Variants in B3GALT1 observed in about 807,000 individuals in gnomAD.
B3GALT1 encodes beta-1,3-galactosyltransferase 1, also known as UDP-Gal:betaGlcNAc beta 1,3-galactosyltransferase, polypeptide 1.
A neutral mutation model predicts 23.2 loss-of-function variants in B3GALT1; 10 were observed. The observed-to-expected ratio is 0.43, with a 90% CI of 0.27 to 0.73. The LOEUF is 0.73. B3GALT1 is among the 30% of genes least tolerant of loss of function. B3GALT1 has a pLI of 0.21. For missense variants in B3GALT1, 299 were observed against 405.4 expected (o/e 0.74, Z 2.25); for synonymous variants, 156 against 141.5 (o/e 1.10, Z -0.73).
At chr2:167,570,432 G>A (rs577935512) in intron 2 of B3GALT1, among the ~76,000 whole-genome samples, 3 of 151,922 alleles carry the variant, frequency 2.0e-5, no homozygotes, top group Admixed American at 2.0e-4. Context: ...AAATTTGTGA[G>A]CGTACAGTTG....
chr2:167,642,896 A>G (rs545191939), intron 2 of B3GALT1, among the ~76,000 whole-genome samples: 32 of 152,248 alleles, frequency 2.1e-4, no homozygotes, highest in African/African-American at 7.2e-4. Flanking sequence ...TTATAAGTGA[A>G]TGAATCCTAT....
chr2:167,382,181 C>T (rs1454164611), intron 1 of B3GALT1, among the ~76,000 whole-genome samples: 3 of 152,102 alleles, frequency 2.0e-5, no homozygotes, highest in African/African-American at 7.2e-5. Context: ...GTGATTCCAC[C>T]ATCAAATAAT....
At chr2:167,514,735 T>A (rs1481481055) in intron 2 of B3GALT1, among the ~76,000 whole-genome samples, 2 of 152,222 alleles carry the variant, frequency 1.3e-5, no homozygotes, top group Non-Finnish European at 2.9e-5. Flanking sequence ...TAATCCTGGC[T>A]TCTAACTGGA....
chr2:167,697,375 G>C (rs748559703), intron 3 of B3GALT1, among the ~76,000 whole-genome samples: 4 of 152,180 alleles, frequency 2.6e-5, no homozygotes, highest in African/African-American at 4.8e-5. Context: ...CACCTGGGCT[G>C]TGATGGTTGT....
intron 2 of B3GALT1, among the ~76,000 whole-genome samples, chr2:167,510,539 A>G (rs1478655935): frequency 1.3e-5 from 2 of 151,692 alleles, no homozygotes; most frequent in Non-Finnish European, 2.9e-5. Context: ...TGTGATTGGC[A>G]TGTTTACAGA....
At chr2:167,819,220 C>A (rs1004629081) in intron 4 of B3GALT1, among the ~76,000 whole-genome samples, 1 of 152,148 alleles carries the variant, frequency 6.6e-6, no homozygotes, top group African/African-American at 2.4e-5. Flanking sequence ...AAGACAATTC[C>A]TATTTAAAAC....
intron 1 of B3GALT1, among the ~76,000 whole-genome samples, chr2:167,377,222 T>A (rs1697779436): frequency 6.6e-6 from 1 of 152,152 alleles, no homozygotes; most frequent in South Asian, 2.1e-4. Flanking sequence ...TTTGATTTTT[T>A]TGAATTTATT....
chr2:167,678,407 T>C (rs985096537), intron 3 of B3GALT1, among the ~76,000 whole-genome samples: 1 of 152,210 alleles, frequency 6.6e-6, no homozygotes, highest in Non-Finnish European at 1.5e-5. Context: ...GGTTATTCAA[T>C]GACTAGGAAG....
chr2:167,462,860 C>G (rs1699281629), intron 1 of B3GALT1, among the ~76,000 whole-genome samples: 1 of 152,026 alleles, frequency 6.6e-6, no homozygotes, highest in Non-Finnish European at 1.5e-5. Flanking sequence ...ATTTCTGTTT[C>G]CTGTAAAGGA....
intron 3 of B3GALT1, among the ~76,000 whole-genome samples, chr2:167,673,705 A>G (rs552847761): frequency 1.1e-3 from 170 of 152,184 alleles, no homozygotes; most frequent in African/African-American, 3.9e-3. Context: ...GTATTAATAT[A>G]CCAAATTATC....
At chr2:167,637,361 T>A (rs1172192574) in intron 2 of B3GALT1, among the ~76,000 whole-genome samples, 1 of 151,960 alleles carries the variant, frequency 6.6e-6, no homozygotes, top group East Asian at 1.9e-4. Flanking sequence ...TGCCTCTACC[T>A]GTTTTTTTTG....
chr2:167,603,519 T>C (rs1243368457), intron 2 of B3GALT1, among the ~76,000 whole-genome samples: 1 of 152,226 alleles, frequency 6.6e-6, no homozygotes, highest in East Asian at 1.9e-4. Flanking sequence ...AAGCTGAACA[T>C]TACTATAGAA....
At chr2:167,396,135 G>A (rs1184195780) in intron 1 of B3GALT1, among the ~76,000 whole-genome samples, 3 of 152,068 alleles carry the variant, frequency 2.0e-5, no homozygotes, top group African/African-American at 7.2e-5. Flanking sequence ...AAGAAGACTT[G>A]GCTTTACTGG....
intron 3 of B3GALT1, among the ~76,000 whole-genome samples, chr2:167,779,507 T>A (rs972327722): frequency 1.1e-4 from 17 of 152,246 alleles, no homozygotes; most frequent in African/African-American, 4.1e-4. Context: ...TTCCTGTTTT[T>A]CTGATGCGGT....
intron 3 of B3GALT1, among the ~76,000 whole-genome samples, chr2:167,740,572 G>A (rs952676324): frequency 6.6e-6 from 1 of 152,126 alleles, no homozygotes; most frequent in Admixed American, 6.5e-5. Flanking sequence ...CTTGGCAAAT[G>A]CATTATAGGA....
intron 1 of B3GALT1, among the ~76,000 whole-genome samples, chr2:167,308,767 C>A (rs1011580309): frequency 2.6e-5 from 4 of 151,896 alleles, no homozygotes; most frequent in Non-Finnish European, 5.9e-5. Context: ...TAAATCAGAT[C>A]GGATATGAGA....
chr2:167,422,054 G>GGAGGAA (rs917551775), intron 1 of B3GALT1, among the ~76,000 whole-genome samples: 1 of 151,096 alleles, frequency 6.6e-6, no homozygotes, highest in African/African-American at 2.4e-5. Flanking sequence ...GGGTAGAGGA[G>GGAGGAA]GAGGAAGAGG....
intron 1 of B3GALT1, among the ~76,000 whole-genome samples, chr2:167,375,585 T>A (rs1365141929): frequency 6.6e-6 from 1 of 152,174 alleles, no homozygotes; most frequent in East Asian, 1.9e-4. Flanking sequence ...CTAGGTATTT[T>A]TTTTGTGTGT....
At chr2:167,853,049 T>C (rs1189753912) in intron 4 of B3GALT1, among the ~76,000 whole-genome samples, 1 of 152,154 alleles carries the variant, frequency 6.6e-6, no homozygotes, top group Non-Finnish European at 1.5e-5. Flanking sequence ...ATTGATTGAG[T>C]TATTTTCCCA....
Sources: gnomAD v4.1 joint callset for allele counts (sites outside exome capture counted in the v4.1 genomes callset) on GRCh38, gnomAD v4.1.1 for gene constraint, MANE v1.5 for transcripts, NCBI Gene and HGNC (gene_info 2026-07-23, HGNC 2026-07-21) for gene names.